POTEB3: variants seen among roughly 807,000 people sequenced by gnomAD.
POTEB3 encodes ANKRD26-like family B member 1.
POTEB3 carries 5 observed loss-of-function variants against 39.8 expected under a neutral mutation model. The ratio of observed to expected loss-of-function variants is 0.13; its 90% CI spans 0.07 to 0.26. The LOEUF (loss-of-function observed/expected upper bound fraction) is 0.26. Among genes scored for constraint, POTEB3 ranks in the 10% least tolerant of loss-of-function variants. The pLI is 1.00. For synonymous variants in POTEB3, 5 were observed against 161.5 expected (o/e 0.03, Z 7.35); for missense variants, 24 against 475.6 (o/e 0.05, Z 8.83).
chr15:21,434,057 A>ACG, intron 3 of POTEB3, among the ~76,000 whole-genome samples: 1 of 102,164 alleles, frequency 9.8e-6, no homozygotes, highest in East Asian at 2.9e-4. Context: ...ACACACACAC[A>ACG]CACACACAAA....
intron 3 of POTEB3, among the ~76,000 whole-genome samples, chr15:21,433,166 A>C (rs1252591815): frequency 6.0e-5 from 9 of 150,904 alleles, no homozygotes; most frequent in Non-Finnish European, 8.9e-5. Flanking sequence ...TCTTCTAGAA[A>C]TATCTGAAGT....
At position 21,434,076 on chromosome 15, in the gene POTEB3, A is replaced by G. The variant is rs1385821103; in HGVS notation, c.810+585T>C. On this transcript the variant is annotated intron_variant, in intron 3 of 10. Coordinates refer to ENST00000611217, the MANE Select transcript of POTEB3 (RefSeq NM_207355.5). Reference sequence around the variant, plus strand: ...ACACACACACACACAAACAAAAACAAAAACAAAAAAAAAACCTCTTCATGG... The same window carrying G: ...ACACACACACACACAAACAAAAACAGAAACAAAAAAAAAACCTCTTCATGG... 5.0e-5 allele frequency among the ~76,000 whole-genome samples: 7 copies of G among 140,352 alleles called. No individual in the cohort carries two copies. In the East Asian group the frequency reaches 1.0e-3, roughly 20 times the overall value. 92.1% of individuals were successfully genotyped at this position (140,352 alleles called of 152,430 possible).
In POTEB3 at chr15:21,410,002, C is replaced by T. The variant is rs1341436445; in HGVS notation, c.1534-807G>A. ...ACACACACACACACACACACACACA[C>T]ATATATATATGCAACGTGCAAGATT... is the stretch of plus-strand genomic sequence containing the variant. On this transcript the variant is annotated intron_variant, in intron 10 of 10. Transcript: ENST00000611217. 2.0e-4 allele frequency among the ~76,000 whole-genome samples: 17 copies of T among 86,720 alleles called. 2 individuals carry two copies. The highest frequency in any genetic ancestry group is 1.7e-3 in the East Asian group (5 of 2,922). The allele number at this position is 86,720 out of a possible 152,430, so 56.9% of individuals were successfully genotyped here.
chr15:21,414,049 G>T (rs1181991368), intron 9 of POTEB3, among the ~76,000 whole-genome samples: 1 of 84,176 alleles, frequency 1.2e-5, no homozygotes, highest in Non-Finnish European at 2.1e-5. Context: ...AATATAAAAA[G>T]CTGAATTTGC....
At position 21,414,618 on chromosome 15, in the gene POTEB3, A is replaced by G. The variant is rs1166840130; in HGVS notation, c.1410-3617T>C. 5.0e-5 allele frequency among the ~76,000 whole-genome samples: 4 copies of G among 79,644 alleles called. No individual in the cohort carries two copies. The African/African-American group carries it at 5.3e-4, about 11-fold the overall frequency. The allele number at this position is 79,644 out of a possible 152,430, so 52.2% of individuals were successfully genotyped here. ...AATGTGAGCAGCTTACTTCTGAAATACAGCCACGCAGCAGCACCTGCTCCA... is the reference window on the plus strand; with the variant it reads ...AATGTGAGCAGCTTACTTCTGAAATGCAGCCACGCAGCAGCACCTGCTCCA... On this transcript the variant is annotated intron_variant, in intron 9 of 10. Transcript: ENST00000611217.
At chr15:21,433,337 C>T (rs1899050532) in intron 3 of POTEB3, among the ~76,000 whole-genome samples, 1 of 150,460 alleles carries the variant, frequency 6.6e-6, no homozygotes, top group Non-Finnish European at 1.5e-5. Context: ...ATCCTCCCAC[C>T]TCAGCCTCCC....
intron 9 of POTEB3, among the ~76,000 whole-genome samples, chr15:21,416,050 G>A (rs11854240): frequency 0.096 from 31 of 324 alleles, no homozygotes; most frequent in South Asian, 0.26. Context: ...GATAAGGGAC[G>A]GCAAGAATTC....
chr15:21,433,749 A>G (rs1265471524), intron 3 of POTEB3, among the ~76,000 whole-genome samples: 7 of 150,304 alleles, frequency 4.7e-5, no homozygotes, highest in Non-Finnish European at 7.4e-5. Context: ...CCATCAAGAC[A>G]TTCTAGAATT....
At chr15:21,430,739 T>G (rs1317634576) in intron 4 of POTEB3, among the ~76,000 whole-genome samples, 1 of 151,310 alleles carries the variant, frequency 6.6e-6, no homozygotes, top group Non-Finnish European at 1.5e-5. Context: ...ACAGCTTCCC[T>G]AGACTGATAT....
Position 21,434,782 on chromosome 15 carries a change from G to A in POTEB3, c.689C>T (p.Ala230Val), listed in dbSNP as rs1555370420. The A allele has an allele frequency of 5.2e-4, 21 of 40,700 alleles. No homozygotes were observed. The highest frequency in any genetic ancestry group is 4.8e-3 in the Middle Eastern group (1 of 208). 2.5% of individuals were successfully genotyped at this position (40,700 alleles called of 1,614,324 possible). Residue 230 changes from alanine (A) to valine (V), a missense_variant, in exon 3 of 11, where the codon GCT becomes GTT. Transcript: ENST00000611217. ...ECVLMLLEHG[A>V]DGNIQDEYGN... ...ATACTCATCTTGAATATTTCCATCAGCGCCATGTTCCAGCAACATTAACAC... is the reference window on the plus strand; with the variant it reads ...ATACTCATCTTGAATATTTCCATCAACGCCATGTTCCAGCAACATTAACAC...
In POTEB3 at chr15:21,439,790, C is replaced by A. The variant is rs1260693434; in HGVS notation, c.222G>T (p.Gly74=). 6.4e-7 allele frequency: 1 copy of A among 1,567,192 alleles called. No homozygotes were observed. Among genetic ancestry groups the A allele is most frequent in the South Asian group, 1.1e-5 (1 of 88,890 alleles). ...AAGTGCCCACATTGCTCGTGCCGCT[C>A]CCCCTGCAGCAGGGGAAGCAGTGGT... ...CCHHCFPCCR[G]SGTSNVGTSG... is the part of the protein sequence containing the mutation. The change falls in exon 1 of 11, where the codon GGG becomes GGT. Residue 74 remains glycine (G), a synonymous_variant. Transcript: ENST00000611217.
chr15:21,425,080 C>G (rs1283171055), intron 6 of POTEB3: 8 of 145,880 alleles, frequency 5.5e-5, no homozygotes, highest in Admixed American at 2.1e-4. Context: ...TACATTGATA[C>G]TAGTCCAAGG....
Position 21,405,409 on chromosome 15 carries a change from C to A in POTEB3, c.*3574G>T, listed in dbSNP as rs1385781208. Among the ~76,000 whole-genome samples, 3 of 129,086 alleles carry A rather than the reference C, an allele frequency of 2.3e-5. No individual in the cohort carries two copies. The highest frequency in any genetic ancestry group is 4.8e-5 in the Non-Finnish European group (3 of 62,882). The allele number at this position is 129,086 out of a possible 152,430, so 84.7% of individuals were successfully genotyped here. On this transcript the variant is annotated 3_prime_UTR_variant, in exon 11 of 11. Coordinates refer to ENST00000611217, the MANE Select transcript of POTEB3 (RefSeq NM_207355.5). ...TGTGAGATGGGTTTCTTGAAGACGGCATACTCCAATGGGTCTTGGTTCTTT... is the reference window on the plus strand; with the variant it reads ...TGTGAGATGGGTTTCTTGAAGACGGAATACTCCAATGGGTCTTGGTTCTTT...
chr15:21,421,313 A>T (rs1350065742), intron 7 of POTEB3, among the ~76,000 whole-genome samples: 26 of 122,696 alleles, frequency 2.1e-4, no homozygotes, highest in Non-Finnish European at 4.1e-4. Flanking sequence ...TATCTAGATG[A>T]TCTGCTTAAG....
intron 5 of POTEB3, among the ~76,000 whole-genome samples, chr15:21,429,299 G>T (rs1220477613): frequency 1.3e-5 from 2 of 151,708 alleles, no homozygotes; most frequent in Non-Finnish European, 2.9e-5. Context: ...TCACTGTGTA[G>T]ATCTGGTAGC....
intron 6 of POTEB3, chr15:21,426,231 A>G (rs1898697363): frequency 4.5e-6 from 2 of 449,170 alleles, no homozygotes; most frequent in African/African-American, 4.1e-5. Flanking sequence ...GCCAAAAATT[A>G]TTCTTCTGCT....
chr15:21,413,218 T>TA (rs1402968828), intron 9 of POTEB3, among the ~76,000 whole-genome samples: 5 of 32,304 alleles, frequency 1.5e-4, no homozygotes, highest in East Asian at 1.5e-3. Flanking sequence ...ACTACTAAAA[T>TA]AAAAAAAACA....
In POTEB3 at chr15:21,410,727, G is replaced by T. The variant is rs1207025997; in HGVS notation, c.1533+151C>A. On this transcript the variant is annotated intron_variant, in intron 10 of 10. Coordinates refer to ENST00000611217, the MANE Select transcript of POTEB3 (RefSeq NM_207355.5). ...ATATATGACCAAGGATATACAGGGGGTGTGTGTGTGTGTGTGTATATATAC... is the reference window on the plus strand; with the variant it reads ...ATATATGACCAAGGATATACAGGGGTTGTGTGTGTGTGTGTGTATATATAC... 4.6e-5 allele frequency: 13 copies of T among 284,000 alleles called. No individual in the cohort carries two copies. In the East Asian group the frequency reaches 6.9e-4, roughly 15 times the overall value. The allele number at this position is 284,000 out of a possible 1,614,324, so 17.6% of individuals were successfully genotyped here.
rs1898294109 is a variant in POTEB3, at chr15:21,410,134, T to G, written c.1533+744A>C. 4.5e-5 allele frequency among the ~76,000 whole-genome samples: 4 copies of G among 89,278 alleles called. 1 individual carries two copies. In the South Asian group the frequency reaches 1.1e-3, roughly 24 times the overall value. The allele number at this position is 89,278 out of a possible 152,430, so 58.6% of individuals were successfully genotyped here. ...GAAGCCTTTTATTTCAAAATACAAA[T>G]GATAAATAAGATATAACTTACAAGG... On this transcript the variant is annotated intron_variant, in intron 10 of 10. Coordinates refer to ENST00000611217, the MANE Select transcript of POTEB3 (RefSeq NM_207355.5).
Sources: allele counts gnomAD v4.1 joint callset (sites outside exome capture counted in the v4.1 genomes callset), GRCh38; gene constraint gnomAD v4.1.1; transcripts MANE v1.5; gene names NCBI Gene and HGNC (gene_info 2026-07-23, HGNC 2026-07-21).